CACNA2D3: variants seen among roughly 807,000 people sequenced by gnomAD.
The protein encoded by CACNA2D3 is calcium voltage-gated channel auxiliary subunit alpha2delta 3, also known as voltage-dependent calcium channel subunit alpha-2/delta-3.
A neutral mutation model predicts 160.6 loss-of-function variants in CACNA2D3; 60 were observed. That is an observed-to-expected ratio of 0.37 (90% CI 0.30 to 0.46). The LOEUF (loss-of-function observed/expected upper bound fraction) is 0.46. Among genes scored for constraint, CACNA2D3 ranks in the 20% least tolerant of loss-of-function variants. The pLI, the probability that CACNA2D3 is intolerant of heterozygous loss-of-function variation, is 1.00. For synonymous variants in CACNA2D3, 558 were observed against 492.9 expected (o/e 1.13, Z -1.75); for missense variants, 1,205 against 1,365.0 (o/e 0.88, Z 1.85).
At chr3:55,022,894 T>C (rs537634580) in intron 35 of CACNA2D3, among the ~76,000 whole-genome samples, 1 of 152,234 alleles carries the variant, frequency 6.6e-6, no homozygotes, top group South Asian at 2.1e-4. Context: ...CTTCTAGTTC[T>C]ACTGTGTTTT....
chr3:54,969,946 G>T, intron 29 of CACNA2D3, 102 bp downstream of exon 29: 8 of 944,994 alleles, frequency 8.5e-6, no homozygotes, highest in East Asian at 2.5e-5. Flanking sequence ...CCAGGTTGAC[G>T]CATTGTACTG....
intron 9 of CACNA2D3, among the ~76,000 whole-genome samples, chr3:54,621,629 G>A (rs1329524258): frequency 6.6e-6 from 1 of 152,156 alleles, no homozygotes; most frequent in Non-Finnish European, 1.5e-5. Flanking sequence ...CCACCTTTTG[G>A]TACACGGCTG....
At chr3:54,902,333 C>T (rs76301292) in intron 27 of CACNA2D3, among the ~76,000 whole-genome samples, 4,470 of 152,192 alleles carry the variant, frequency 0.029, 251 homozygotes, top group African/African-American at 0.1. Context: ...TCTTCTTTCT[C>T]TTTTGTGTGT....
At chr3:54,244,426 A>G (rs1482544554) in intron 2 of CACNA2D3, among the ~76,000 whole-genome samples, 1 of 152,230 alleles carries the variant, frequency 6.6e-6, no homozygotes, top group Non-Finnish European at 1.5e-5. Context: ...TTGTTATTAA[A>G]TCAAAATGTC....
At chr3:54,923,179 T>C (rs1293540300) in intron 27 of CACNA2D3, among the ~76,000 whole-genome samples, 1 of 152,120 alleles carries the variant, frequency 6.6e-6, no homozygotes, top group African/African-American at 2.4e-5. Context: ...TTCAAGAGCT[T>C]TCCATCTCAC....
intron 2 of CACNA2D3, among the ~76,000 whole-genome samples, chr3:54,232,937 C>T (rs1003400405): frequency 1.3e-5 from 2 of 152,148 alleles, no homozygotes; most frequent in African/African-American, 4.8e-5. Context: ...ATTAGTTTAA[C>T]CCATCTCTAC....
In CACNA2D3 at chr3:54,885,502, A is replaced by G; in HGVS notation, c.1972A>G (p.Thr658Ala). 6 of 1,613,436 alleles carry G rather than the reference A, an allele frequency of 3.7e-6. No homozygotes were observed. Among genetic ancestry groups the G allele is most frequent in the Non-Finnish European group, 5.1e-6 (6 of 1,179,610 alleles). Residue 658 changes from threonine to alanine, a missense_variant, in exon 23 of 38, where the codon ACT becomes GCT. Transcript: ENST00000474759. Reference protein sequence around the residue: ...SLADEWSYCNTDLHPEHRHLS... With the variant: ...SLADEWSYCNADLHPEHRHLS... Reference sequence around the variant, plus strand: ...TCATGTTCTTAGGTCCTACTGCAACACTGACCTACACCCTGAGCACCGCCA... The same window carrying G: ...TCATGTTCTTAGGTCCTACTGCAACGCTGACCTACACCCTGAGCACCGCCA...
intron 29 of CACNA2D3, among the ~76,000 whole-genome samples, chr3:54,983,386 C>G (rs1276223296): frequency 6.6e-6 from 1 of 152,184 alleles, no homozygotes; most frequent in African/African-American, 2.4e-5. Context: ...TATGAGATTG[C>G]TTCCATGATG....
At chr3:54,214,973 C>T (rs1701435076) in intron 2 of CACNA2D3, among the ~76,000 whole-genome samples, 1 of 152,066 alleles carries the variant, frequency 6.6e-6, no homozygotes, top group Non-Finnish European at 1.5e-5. Flanking sequence ...AGCACAATAC[C>T]CCAGAGTAGG....
chr3:54,700,695 T>C (rs1314047014), intron 11 of CACNA2D3, among the ~76,000 whole-genome samples: 1 of 152,218 alleles, frequency 6.6e-6, no homozygotes, highest in African/African-American at 2.4e-5. Flanking sequence ...GGTAAATAGT[T>C]ATACTATAGG....
chr3:54,733,168 A>G (rs115646110), intron 11 of CACNA2D3, among the ~76,000 whole-genome samples: 116 of 152,330 alleles, frequency 7.6e-4, no homozygotes, highest in African/African-American at 2.7e-3. Context: ...CTACTTAACT[A>G]TCTCGGGACT....
rs182444764 is a variant in CACNA2D3, at chr3:54,145,833, C to G, written c.204+22239C>G. On this transcript the variant is annotated intron_variant, in intron 2 of 37. Transcript: ENST00000474759. ...ATTGCTTCGTCATTGCCTCTCTTCTCTCCGGGATGGCTGTTGGAGCTTTTC... is the reference window on the plus strand; with the variant it reads ...ATTGCTTCGTCATTGCCTCTCTTCTGTCCGGGATGGCTGTTGGAGCTTTTC... Among the ~76,000 whole-genome samples the G allele has an allele frequency of 1.1e-4, 16 of 152,316 alleles. 1 individual carries two copies. The highest frequency in any genetic ancestry group is 7.3e-5 in the Non-Finnish European group (5 of 68,028).
At chr3:54,939,786 A>T (rs1465550398) in intron 27 of CACNA2D3, among the ~76,000 whole-genome samples, 1 of 152,246 alleles carries the variant, frequency 6.6e-6, no homozygotes, top group African/African-American at 2.4e-5. Context: ...TAGCGGGAGA[A>T]GCATGGCATT....
chr3:54,733,342 G>A (rs780902389), intron 11 of CACNA2D3, among the ~76,000 whole-genome samples: 4 of 152,172 alleles, frequency 2.6e-5, no homozygotes, highest in East Asian at 1.9e-4. Flanking sequence ...AATGATTTGA[G>A]TACTCATTAA....
chr3:54,306,462 A>G (rs1703604531), intron 2 of CACNA2D3, among the ~76,000 whole-genome samples: 1 of 152,218 alleles, frequency 6.6e-6, no homozygotes, highest in African/African-American at 2.4e-5. Flanking sequence ...TTCTATTTCC[A>G]TGACTACCAA....
intron 14 of CACNA2D3, among the ~76,000 whole-genome samples, chr3:54,820,244 G>A (rs1207481782): frequency 3.3e-5 from 5 of 152,084 alleles, no homozygotes; most frequent in Non-Finnish European, 2.9e-5. Flanking sequence ...AAATAGTTAC[G>A]TCTCTGTAAA....
At chr3:54,451,797 C>G (rs1192690057) in intron 4 of CACNA2D3, among the ~76,000 whole-genome samples, 1 of 152,214 alleles carries the variant, frequency 6.6e-6, no homozygotes, top group Non-Finnish European at 1.5e-5. Flanking sequence ...TTCAAATCAT[C>G]TTCAAGGTCA....
intron 5 of CACNA2D3, among the ~76,000 whole-genome samples, chr3:54,511,028 C>T (rs998378755): frequency 9.9e-5 from 15 of 152,208 alleles, no homozygotes; most frequent in African/African-American, 3.4e-4. Context: ...TTCCTGGCTA[C>T]CCCATTCCCC....
rs1364576310 is a variant in CACNA2D3, at chr3:54,984,628, A to G, written c.2577A>G (p.Ile859Met). 4 of 1,558,252 alleles carry G rather than the reference A, an allele frequency of 2.6e-6. No individual in the cohort carries two copies. The highest frequency in any genetic ancestry group is 3.5e-6 in the Non-Finnish European group (4 of 1,147,996). Residue 859 changes from isoleucine (I) to methionine (M), a missense_variant, in exon 30 of 38, where the codon ATA (isoleucine) becomes ATG (methionine). Ile to Met is a conservative substitution (Grantham distance 10). Coordinates refer to ENST00000474759, the MANE Select transcript of CACNA2D3 (RefSeq NM_018398.3). ...CDDETVNCYL[I>M]DNNGFILVSE... ...TCTAGACTGTGAATTGTTACCTCAT[A>G]GACAATAATGGATTTATTTTGGTGT...
Sources: gnomAD v4.1 joint callset for allele counts (sites outside exome capture counted in the v4.1 genomes callset) on GRCh38, gnomAD v4.1.1 for gene constraint, MANE v1.5 for transcripts, NCBI Gene and HGNC (gene_info 2026-07-23, HGNC 2026-07-21) for gene names.